PHF24: variants seen among roughly 807,000 people sequenced by gnomAD.
The protein encoded by PHF24 is Galpha inhibitory interacting protein.
A neutral mutation model predicts 42.6 loss-of-function variants in PHF24; 25 were observed. The observed-to-expected ratio is 0.59, with a 90% confidence interval of 0.43 to 0.82. PHF24 has a LOEUF of 0.82. Ranked by LOEUF, PHF24 falls within the 40% of genes least tolerant of loss-of-function variation. The pLI is 0.00. For missense variants in PHF24, 470 were observed against 538.1 expected, an observed-to-expected ratio of 0.87 and a Z score of 1.25; for synonymous variants, 185 against 204.8, an observed-to-expected ratio of 0.90 and a Z score of 0.83.
At chr9:34,951,272 A>C in the PHF24 span, among the ~76,000 whole-genome samples, 3 of 152,174 alleles carry the variant, frequency 2.0e-5, no homozygotes, top group African/African-American at 7.2e-5. Context: ...ATGGTCCCTC[A>C]AAGATGTCAA....
At chr9:34,786,773 T>C in the PHF24 span, among the ~76,000 whole-genome samples, 2 of 152,340 alleles carry the variant, frequency 1.3e-5, no homozygotes, top group South Asian at 2.1e-4. Flanking sequence ...TTTCTCAGTG[T>C]ACCTAAGAGC....
chr9:34,926,278 G>A, the PHF24 span, among the ~76,000 whole-genome samples: 1 of 152,214 alleles, frequency 6.6e-6, no homozygotes, highest in Non-Finnish European at 1.5e-5. The surrounding 1 kb of genome is among the most constrained non-coding windows in gnomAD (Gnocchi z 4.3). Flanking sequence ...GCCACCCTGG[G>A]GACATGCCTG....
chr9:34,840,229 C>T, the PHF24 span, among the ~76,000 whole-genome samples: 20 of 152,118 alleles, frequency 1.3e-4, no homozygotes, highest in Non-Finnish European at 1.8e-4. Flanking sequence ...GAAGATATAA[C>T]ATACTGTCTC....
the PHF24 span, among the ~76,000 whole-genome samples, chr9:34,703,239 A>G: frequency 6.6e-6 from 1 of 151,476 alleles, no homozygotes; most frequent in Non-Finnish European, 1.5e-5. Flanking sequence ...CAATGGTGTG[A>G]CCTCGGCTCA....
chr9:34,839,818 G>A, the PHF24 span, among the ~76,000 whole-genome samples: 1 of 152,196 alleles, frequency 6.6e-6, no homozygotes, highest in Admixed American at 6.5e-5. Flanking sequence ...CAAATAATTT[G>A]ATGTATTACT....
At chr9:34,729,254 TA>T in the PHF24 span, 1 of 1,544,384 alleles carries the variant, frequency 6.5e-7, no homozygotes, top group African/African-American at 1.4e-5. Flanking sequence ...ATCTGAGGCT[TA>T]ATTAGTTCAG....
the PHF24 span, among the ~76,000 whole-genome samples, chr9:34,813,986 A>G: frequency 2.0e-5 from 3 of 152,144 alleles, no homozygotes. Flanking sequence ...GTTGTTTAGC[A>G]CCACCTTTGA....
the PHF24 span, among the ~76,000 whole-genome samples, chr9:34,799,498 T>A: frequency 3.9e-5 from 6 of 152,202 alleles, no homozygotes; most frequent in African/African-American, 1.4e-4. Flanking sequence ...CTTGCCTCAA[T>A]GTAAGAAAAT....
In PHF24 at chr9:34,977,868, G is replaced by A. The variant is rs1009688308; in HGVS notation, c.1107-147G>A. 9.0e-6 allele frequency: 7 copies of A among 773,672 alleles called. No individual in the cohort carries two copies. In the East Asian group the frequency reaches 1.2e-4, roughly 14 times the overall value. 47.9% of individuals were successfully genotyped at this position (773,672 alleles called of 1,614,324 possible). A position where few individuals can be genotyped will look rare whatever the true frequency, so the allele number is the denominator to read the frequency against. On this transcript the variant is annotated intron_variant, in intron 7 of 7. Transcript: ENST00000242315. ...GGTCAGGCATGAGCCAAGCTTCCCT[G>A]AGTTTTGTGTAGCTCAAGCCATGCT... is the stretch of plus-strand genomic sequence containing the variant.
chr9:34,899,643 C>T, the PHF24 span, among the ~76,000 whole-genome samples: 1 of 152,124 alleles, frequency 6.6e-6, no homozygotes, highest in African/African-American at 2.4e-5. Context: ...GGCAGGAAGC[C>T]CCAGAGTAGT....
At chr9:34,847,004 C>A in the PHF24 span, among the ~76,000 whole-genome samples, 3 of 152,194 alleles carry the variant, frequency 2.0e-5, no homozygotes, top group African/African-American at 7.2e-5. Flanking sequence ...CTACTGTAGC[C>A]TTGTAGTATA....
chr9:34,706,750 G>C, the PHF24 span, among the ~76,000 whole-genome samples: 2 of 152,154 alleles, frequency 1.3e-5, no homozygotes, highest in Non-Finnish European at 2.9e-5. Flanking sequence ...CTATAGAGTA[G>C]GCAAGAGTTT....
At chr9:34,687,053 T>C in the PHF24 span, among the ~76,000 whole-genome samples, 1 of 143,388 alleles carries the variant, frequency 7.0e-6, no homozygotes, top group African/African-American at 2.6e-5. Flanking sequence ...TGGGTTGGTA[T>C]GGTTGGGGGG....
the PHF24 span, among the ~76,000 whole-genome samples, chr9:34,921,957 C>T: frequency 6.6e-6 from 1 of 152,360 alleles, no homozygotes; most frequent in South Asian, 2.1e-4. Flanking sequence ...AAAAATTCCA[C>T]ATCCCCATAT....
At chr9:34,783,613 T>C in the PHF24 span, among the ~76,000 whole-genome samples, 1 of 152,218 alleles carries the variant, frequency 6.6e-6, no homozygotes, top group Non-Finnish European at 1.5e-5. Flanking sequence ...GAAACTACCA[T>C]ATTATGTCTC....
At chr9:34,676,780 G>C in the PHF24 span, among the ~76,000 whole-genome samples, 585 of 152,306 alleles carry the variant, frequency 3.8e-3, 6 homozygotes, top group African/African-American at 0.014. Flanking sequence ...GAAGCTGAAG[G>C]GGGAGCAGGC....
At chr9:34,735,497 C>T in the PHF24 span, among the ~76,000 whole-genome samples, 25 of 151,590 alleles carry the variant, frequency 1.6e-4, no homozygotes, top group South Asian at 8.4e-4. Flanking sequence ...AGAAAATCAC[C>T]GTACTATAAA....
At chr9:34,777,641 A>C in the PHF24 span, among the ~76,000 whole-genome samples, 1 of 152,170 alleles carries the variant, frequency 6.6e-6, no homozygotes, top group Non-Finnish European at 1.5e-5. Flanking sequence ...TGCTTTGCTC[A>C]TGCCTCAGTC....
chr9:34,929,000 C>A, the PHF24 span, among the ~76,000 whole-genome samples: 2 of 152,176 alleles, frequency 1.3e-5, no homozygotes, highest in Admixed American at 6.5e-5. Flanking sequence ...ATTTCAGCAG[C>A]ACTCCCTAGA....
Sources: allele counts gnomAD v4.1 joint callset (sites outside exome capture counted in the v4.1 genomes callset), GRCh38; gene constraint gnomAD v4.1.1; non-coding constraint Gnocchi (gnomAD v3.1); transcripts MANE v1.5; gene names NCBI Gene and HGNC (gene_info 2026-07-23, HGNC 2026-07-21).